Variants in TAFA2 observed in about 807,000 individuals in gnomAD.
TAFA2 encodes the protein chemokine-like protein TAFA-2.
TAFA2 carries 7 observed loss-of-function variants against 18.8 expected under a neutral mutation model. The ratio of observed to expected loss-of-function variants is 0.37; its 90% CI spans 0.21 to 0.70. TAFA2 has a LOEUF of 0.70. Among genes scored for constraint, TAFA2 ranks in the 30% least tolerant of loss-of-function variants. The pLI is 0.53. For missense variants in TAFA2, 122 were observed against 158.1 expected (o/e 0.77, Z 1.23); for synonymous variants, 60 against 54.2 (o/e 1.11, Z -0.47).
chr12:62,190,744 C>T (rs1380901341), intron 1 of TAFA2, among the ~76,000 whole-genome samples: 1 of 152,114 alleles, frequency 6.6e-6, no homozygotes, highest in Admixed American at 6.5e-5. Flanking sequence ...CTGAAACACC[C>T]ACCTTCTGCA....
At chr12:61,811,898 A>C (rs1592405238) in intron 2 of TAFA2, among the ~76,000 whole-genome samples, 1 of 151,566 alleles carries the variant, frequency 6.6e-6, no homozygotes, top group Admixed American at 6.6e-5. Flanking sequence ...GAAGCAGATA[A>C]CAGAAGTCAT....
intron 2 of TAFA2, among the ~76,000 whole-genome samples, chr12:61,781,052 A>ATTAAGT (rs1870481925): frequency 1.3e-5 from 2 of 151,760 alleles, no homozygotes. Flanking sequence ...CACAAGGGAA[A>ATTAAGT]TTAAGTTTTT....
At position 61,795,727 on chromosome 12, in the gene TAFA2, T is replaced by TA. The variant is rs896769822; in HGVS notation, c.107-40704dup. On this transcript the variant is annotated intron_variant, in intron 2 of 4. Coordinates refer to ENST00000416284, the MANE Select transcript of TAFA2 (RefSeq NM_178539.5). ...GTACCCTAGAACTTAAAGTGTAATTTAAAAAAAAAACTAAGCAAAATAAAC... is the reference window on the plus strand; with the variant it reads ...GTACCCTAGAACTTAAAGTGTAATTTAAAAAAAAAAACTAAGCAAAATAAAC... Among the ~76,000 whole-genome samples, 1,308 of 140,498 alleles carry TA rather than the reference T, an allele frequency of 9.3e-3. 15 individuals carry two copies. Among genetic ancestry groups the TA allele is most frequent in the African/African-American group, 0.03 (1,161 of 38,386 alleles). 92.2% of individuals were successfully genotyped at this position (140,498 alleles called of 152,430 possible).
At chr12:62,005,862 C>G (rs1325342938) in intron 1 of TAFA2, among the ~76,000 whole-genome samples, 2 of 152,086 alleles carry the variant, frequency 1.3e-5, no homozygotes, top group Non-Finnish European at 1.5e-5. Flanking sequence ...ATTCGTATAT[C>G]TGCCAATGAA....
chr12:62,183,921 T>G (rs1429111924), intron 1 of TAFA2, among the ~76,000 whole-genome samples: 2 of 152,174 alleles, frequency 1.3e-5, no homozygotes, highest in Non-Finnish European at 2.9e-5. Context: ...AGCAAAGACA[T>G]GTAACCCTAA....
chr12:61,848,864 T>C (rs1229491352), intron 2 of TAFA2, among the ~76,000 whole-genome samples: 1 of 151,182 alleles, frequency 6.6e-6, no homozygotes, highest in African/African-American at 2.4e-5. Flanking sequence ...TTTTTTTTAA[T>C]GGAGTCTTGC....
At chr12:61,927,692 C>T (rs574276687) in intron 1 of TAFA2, among the ~76,000 whole-genome samples, 113 of 152,088 alleles carry the variant, frequency 7.4e-4, no homozygotes, top group Non-Finnish European at 9.6e-4. Flanking sequence ...AAAAAGAGTC[C>T]GTATAGCCAA....
At chr12:61,803,601 T>G (rs182557940) in intron 2 of TAFA2, among the ~76,000 whole-genome samples, 82 of 152,084 alleles carry the variant, frequency 5.4e-4, no homozygotes, top group South Asian at 3.7e-3. Context: ...TCCCTTATGC[T>G]GACATAATAC....
At chr12:61,775,786 G>A (rs1304828827) in intron 2 of TAFA2, 2 of 157,752 alleles carry the variant, frequency 1.3e-5, no homozygotes, top group African/African-American at 2.4e-5. Flanking sequence ...ATTAAATTGG[G>A]GTGACGATGT....
intron 2 of TAFA2, among the ~76,000 whole-genome samples, chr12:61,814,825 C>T (rs543303410): frequency 1.3e-5 from 2 of 151,476 alleles, no homozygotes; most frequent in South Asian, 2.1e-4. Flanking sequence ...TTGAAAGATG[C>T]TATGCTGCTG....
chr12:61,869,627 C>T (rs917949706), intron 1 of TAFA2, among the ~76,000 whole-genome samples: 1 of 152,144 alleles, frequency 6.6e-6, no homozygotes, highest in Non-Finnish European at 1.5e-5. Flanking sequence ...CAAGAACCTC[C>T]TCCACAGTGT....
chr12:61,941,594 G>C (rs565048544), intron 1 of TAFA2, among the ~76,000 whole-genome samples: 1 of 152,174 alleles, frequency 6.6e-6, no homozygotes, highest in African/African-American at 2.4e-5. Flanking sequence ...CAGTGGGTGC[G>C]TGCACCGTGC....
chr12:61,710,665 T>G (rs947746314), intron 4 of TAFA2, among the ~76,000 whole-genome samples: 1 of 152,106 alleles, frequency 6.6e-6, no homozygotes, highest in African/African-American at 2.4e-5. Context: ...TAACTGTGAC[T>G]AGAATTATCC....
intron 1 of TAFA2, among the ~76,000 whole-genome samples, chr12:62,183,625 T>C (rs2062565751): frequency 6.6e-6 from 1 of 152,170 alleles, no homozygotes; most frequent in Non-Finnish European, 1.5e-5. Flanking sequence ...GCTCAAGTGA[T>C]CCACCTACTT....
chr12:61,980,823 G>A (rs1013213442), intron 1 of TAFA2, among the ~76,000 whole-genome samples: 2 of 152,106 alleles, frequency 1.3e-5, no homozygotes, highest in African/African-American at 4.8e-5. Context: ...GAAACAAATG[G>A]AAGAATATCC....
At chr12:61,789,574 G>A (rs1406713839) in intron 2 of TAFA2, among the ~76,000 whole-genome samples, 1 of 151,816 alleles carries the variant, frequency 6.6e-6, no homozygotes, top group Non-Finnish European at 1.5e-5. Flanking sequence ...ATAGCATTAG[G>A]AGAAATACCT....
chr12:62,234,876 G>C, intron 1 of TAFA2: 1 of 1,033,174 alleles, frequency 9.7e-7, no homozygotes, highest in Non-Finnish European at 1.5e-6. Flanking sequence ...ACTCAGCTCG[G>C]GGCATCCCAC....
intron 4 of TAFA2, among the ~76,000 whole-genome samples, chr12:61,726,020 C>CT (rs56346396): frequency 3.1e-4 from 45 of 143,842 alleles, no homozygotes; most frequent in East Asian, 6.1e-4. Flanking sequence ...TTTCTTTTTT[C>CT]TTTTTTTTTT....
At chr12:62,021,427 C>T (rs1881131643) in intron 1 of TAFA2, 1 of 579,110 alleles carries the variant, frequency 1.7e-6, no homozygotes, top group South Asian at 1.9e-5. Context: ...TTATCCCTCA[C>T]CCCCTCCCAC....
Sources: gnomAD v4.1 joint callset for allele counts (sites outside exome capture counted in the v4.1 genomes callset) on GRCh38, gnomAD v4.1.1 for gene constraint, MANE v1.5 for transcripts, NCBI Gene and HGNC (gene_info 2026-07-23, HGNC 2026-07-21) for gene names.